ASTN2: variants seen among roughly 807,000 people sequenced by gnomAD.
The protein encoded by ASTN2 is astrotactin 2, also known as astrotactin-2.
Under a neutral mutation model 139.8 loss-of-function variants are expected in ASTN2, and 54 were observed. The ratio of observed to expected loss-of-function variants is 0.39; its 90% CI spans 0.31 to 0.48. The LOEUF is 0.48. Ranked by LOEUF, ASTN2 falls within the 20% of genes least tolerant of loss-of-function variation. The pLI is 0.95. For missense variants in ASTN2, 1,565 were observed against 1,725.1 expected, an observed-to-expected ratio of 0.91 and a Z score of 1.64; for synonymous variants, 756 against 719.5, an observed-to-expected ratio of 1.05 and a Z score of -0.81.
intron 4 of ASTN2, among the ~76,000 whole-genome samples, chr9:117,113,874 T>A (rs906524392): frequency 3.3e-5 from 5 of 152,162 alleles, no homozygotes; most frequent in Non-Finnish European, 4.4e-5. Flanking sequence ...GAAAGAAGGA[T>A]GTACTGTAAA....
intron 16 of ASTN2, among the ~76,000 whole-genome samples, chr9:116,669,007 G>A (rs994890168): frequency 1.3e-5 from 2 of 152,152 alleles, no homozygotes; most frequent in Admixed American, 6.5e-5. Flanking sequence ...TGTCATTGAG[G>A]TAGGAGGTGA....
At chr9:117,113,061 GC>G (rs755302811) in intron 4 of ASTN2, among the ~76,000 whole-genome samples, 6 of 152,048 alleles carry the variant, frequency 3.9e-5, no homozygotes, top group Admixed American at 6.6e-5. Context: ...AATTAGAATG[GC>G]TAAATTTTAA....
intron 16 of ASTN2, among the ~76,000 whole-genome samples, chr9:116,694,457 C>CTCTT (rs1461865399): frequency 6.6e-5 from 4 of 60,384 alleles, no homozygotes; most frequent in Non-Finnish European, 1.2e-4. Context: ...GTTGTAATTT[C>CTCTT]TCTTTTTTTT....
At chr9:116,742,575 C>T (rs1311199163) in intron 13 of ASTN2, among the ~76,000 whole-genome samples, 1 of 152,018 alleles carries the variant, frequency 6.6e-6, no homozygotes, top group East Asian at 1.9e-4. Flanking sequence ...GGTTTGCTCC[C>T]CTAGACTCAG....
intron 1 of ASTN2, among the ~76,000 whole-genome samples, chr9:117,390,854 C>CA (rs1347462952): frequency 1.3e-5 from 2 of 152,130 alleles, no homozygotes; most frequent in Admixed American, 1.3e-4. Flanking sequence ...GGTATATACC[C>CA]AGGAGTGCAA....
chr9:116,452,458 C>T (rs560558436), intron 20 of ASTN2, among the ~76,000 whole-genome samples: 14 of 152,266 alleles, frequency 9.2e-5, no homozygotes, highest in African/African-American at 2.6e-4. Flanking sequence ...CCCATGGTGA[C>T]GGTGTGAGGA....
chr9:117,268,408 T>G (rs1411685577), intron 2 of ASTN2, among the ~76,000 whole-genome samples: 2 of 152,194 alleles, frequency 1.3e-5, no homozygotes, highest in Non-Finnish European at 2.9e-5. Context: ...TGTAAATTAT[T>G]GACTGAAGTT....
At chr9:116,651,001 C>T (rs143101270) in intron 17 of ASTN2, among the ~76,000 whole-genome samples, 1 of 151,862 alleles carries the variant, frequency 6.6e-6, no homozygotes, top group Non-Finnish European at 1.5e-5. Flanking sequence ...CTGCAACCTC[C>T]ACCTCCCAGG....
intron 10 of ASTN2, among the ~76,000 whole-genome samples, chr9:116,928,194 A>C (rs937474135): frequency 9.8e-5 from 15 of 152,320 alleles, no homozygotes; most frequent in Non-Finnish European, 1.6e-4. Context: ...TCCTCATAAC[A>C]GCCCCCAGGG....
At chr9:117,078,901 A>C (rs978610535) in intron 5 of ASTN2, among the ~76,000 whole-genome samples, 1 of 151,886 alleles carries the variant, frequency 6.6e-6, no homozygotes, top group Non-Finnish European at 1.5e-5. Flanking sequence ...ATGCCCTGCT[A>C]ATTTTTGTAT....
intron 11 of ASTN2, among the ~76,000 whole-genome samples, chr9:116,853,030 C>T (rs1437295310): frequency 1.3e-5 from 2 of 152,100 alleles, no homozygotes; most frequent in Non-Finnish European, 2.9e-5. Context: ...CGAAGAAACA[C>T]AACTGTATGC....
At chr9:116,833,473 G>C (rs1831881712) in intron 11 of ASTN2, among the ~76,000 whole-genome samples, 1 of 149,254 alleles carries the variant, frequency 6.7e-6, no homozygotes. Flanking sequence ...TGGGAGCCTA[G>C]ATTATTGATT....
At chr9:116,504,284 T>C (rs528850940) in intron 19 of ASTN2, 2 of 152,246 alleles carry the variant, frequency 1.3e-5, no homozygotes, top group South Asian at 2.1e-4. Flanking sequence ...TGTGGTAGCA[T>C]TGTGAGCAGC....
intron 1 of ASTN2, among the ~76,000 whole-genome samples, chr9:117,412,748 G>A (rs1831203654): frequency 1.3e-5 from 2 of 152,298 alleles, no homozygotes; most frequent in African/African-American, 4.8e-5. Flanking sequence ...AGGATGAAGG[G>A]AGAAGGTCAG....
At chr9:117,250,367 C>A (rs1833504788) in intron 2 of ASTN2, among the ~76,000 whole-genome samples, 1 of 152,172 alleles carries the variant, frequency 6.6e-6, no homozygotes, top group Admixed American at 6.5e-5. Context: ...GACTGATAAC[C>A]TATAAAGTAG....
rs1474629978 is a variant in ASTN2, at chr9:116,733,425, G to A, written c.2495C>T (p.Pro832Leu). ...AGTGAGCAGTTGGAGGTCTGGAAGG[G>A]GCTCGGAGAGGACCCCCCGGCACTG... ...EEQCRGVLSE[P>L]LPDLQLLTGD... Residue 832 changes from proline to leucine, a missense_variant, in exon 14 of 23, where the codon CCC (proline) becomes CTC (leucine). Pro to Leu is a moderately conservative substitution (Grantham distance 98). Coordinates refer to ENST00000313400, the MANE Select transcript of ASTN2 (RefSeq NM_001365068.1). The A allele has an allele frequency of 1.9e-6, 3 of 1,614,118 alleles. No homozygotes were observed. The highest frequency in any genetic ancestry group is 3.3e-5 in the Admixed American group (2 of 60,022).
chr9:117,329,589 A>G (rs1349300694), intron 1 of ASTN2, among the ~76,000 whole-genome samples: 1 of 152,150 alleles, frequency 6.6e-6, no homozygotes, highest in Non-Finnish European at 1.5e-5. Flanking sequence ...AAACTCTGCT[A>G]TTCTTAGTCA....
At chr9:117,060,619 G>T (rs10119692) in intron 5 of ASTN2, among the ~76,000 whole-genome samples, 44,762 of 145,008 alleles carry the variant, frequency 0.31, 7,860 homozygotes, top group African/African-American at 0.42. Flanking sequence ...GCGGGCCAGG[G>T]GCAGTGGCTC....
intron 1 of ASTN2, among the ~76,000 whole-genome samples, chr9:117,399,457 C>T (rs895769394): frequency 3.9e-5 from 6 of 152,038 alleles, no homozygotes; most frequent in Admixed American, 1.3e-4. Context: ...GTGCTTGGGT[C>T]GATCAACATT....
Sources: gnomAD v4.1 joint callset for allele counts (sites outside exome capture counted in the v4.1 genomes callset) on GRCh38, gnomAD v4.1.1 for gene constraint, MANE v1.5 for transcripts, NCBI Gene and HGNC (gene_info 2026-07-23, HGNC 2026-07-21) for gene names.